RBPJ: variants seen among roughly 807,000 people sequenced by gnomAD.
RBPJ encodes the protein recombining binding protein suppressor of hairless.
Under a neutral mutation model 67.8 loss-of-function variants are expected in RBPJ, and 9 were observed. That is an observed-to-expected ratio of 0.13 (90% CI 0.08 to 0.23). The LOEUF is 0.23. RBPJ is among the 10% of genes least tolerant of loss of function. The probability of loss-of-function intolerance (pLI) is 1.00; values close to 1 mark genes in which losing one functional copy is unlikely to be tolerated. For synonymous variants in RBPJ, 198 were observed against 203.3 expected, an observed-to-expected ratio of 0.97 and a Z score of 0.22; for missense variants, 305 against 595.6, an observed-to-expected ratio of 0.51 and a Z score of 5.08.
the RBPJ span, among the ~76,000 whole-genome samples, chr4:26,105,643 A>G: frequency 6.6e-6 from 1 of 152,186 alleles, no homozygotes; most frequent in Non-Finnish European, 1.5e-5. Flanking sequence ...TCTACTAATG[A>G]CTAGAACCAA....
chr4:26,376,747 A>G (rs1438386100), intron 1 of RBPJ, among the ~76,000 whole-genome samples: 1 of 152,186 alleles, frequency 6.6e-6, no homozygotes, highest in African/African-American at 2.4e-5. Context: ...CTCACTAGCT[A>G]TATATGAAAG....
At chr4:26,282,924 CTTTTT>C (rs67501530) in intron 1 of RBPJ, among the ~76,000 whole-genome samples, 41 of 61,662 alleles carry the variant, frequency 6.6e-4, no homozygotes, top group African/African-American at 3.0e-3. Context: ...AGTGTAGATT[CTTTTT>C]TTTTTTTTTT....
chr4:26,328,976 G>C (rs975323222), intron 1 of RBPJ, among the ~76,000 whole-genome samples: 1 of 152,130 alleles, frequency 6.6e-6, no homozygotes, highest in Non-Finnish European at 1.5e-5. Context: ...CAGAGGACAA[G>C]GGTAAGGTAT....
At chr4:26,163,530 G>A (rs1012854212) in exon 1 of RBPJ, 3 of 152,000 alleles carry the variant, frequency 2.0e-5, no homozygotes, top group Non-Finnish European at 4.4e-5. Flanking sequence ...CTCTTTCTAC[G>A]GCATTTCATG....
At chr4:26,118,856 A>G in the RBPJ span, among the ~76,000 whole-genome samples, 42,143 of 151,980 alleles carry the variant, frequency 0.28, 6,220 homozygotes, top group Non-Finnish European at 0.31. Context: ...TGCACTCTCC[A>G]TCACACACTC....
chr4:26,362,328 G>GT (rs1171280821), intron 1 of RBPJ: 14 of 422,726 alleles, frequency 3.3e-5, no homozygotes, highest in Admixed American at 2.1e-4. Flanking sequence ...AAATGACAGT[G>GT]TTACACAGGG....
intron 1 of RBPJ, among the ~76,000 whole-genome samples, chr4:26,227,690 C>G (rs1403516389): frequency 1.3e-5 from 2 of 152,198 alleles, no homozygotes; most frequent in Non-Finnish European, 2.9e-5. Flanking sequence ...ATATCCACCT[C>G]CTTTGGAGAA....
Position 26,408,433 on chromosome 4 carries a change from AT to A in RBPJ, c.155+2173del, listed in dbSNP as rs565502639. On this transcript the variant is annotated intron_variant, in intron 3 of 10. Transcript: ENST00000355476. ...ACGAAGTTGATATTAGAAATTCAGT[AT>A]TTTTTTTTTCATAAATAAAATTTAG... 3.5e-3 allele frequency among the ~76,000 whole-genome samples: 521 copies of A among 147,940 alleles called. 2 individuals carry two copies. The highest frequency in any genetic ancestry group is 0.011 in the South Asian group (51 of 4,662).
the RBPJ span, among the ~76,000 whole-genome samples, chr4:26,152,722 C>T: frequency 3.3e-5 from 5 of 152,360 alleles, no homozygotes; most frequent in East Asian, 9.6e-4. Context: ...CTCTTAATCA[C>T]TAATCCATAT....
At chr4:26,120,903 T>C in the RBPJ span, among the ~76,000 whole-genome samples, 1 of 130,072 alleles carries the variant, frequency 7.7e-6, no homozygotes, top group Non-Finnish European at 1.7e-5. Flanking sequence ...TAAACCAAGA[T>C]AAATGGACAT....
At chr4:26,317,370 G>A (rs535593389), upstream of RBPJ, among the ~76,000 whole-genome samples, 15 of 152,292 alleles carry the variant, frequency 9.8e-5, no homozygotes, top group South Asian at 2.9e-3. Flanking sequence ...GGAGCTGAAA[G>A]TGTGCTTGGG....
At chr4:26,184,184 A>T (rs1003865296) in intron 1 of RBPJ, among the ~76,000 whole-genome samples, 2 of 139,116 alleles carry the variant, frequency 1.4e-5, no homozygotes, top group African/African-American at 6.0e-5. Flanking sequence ...TTCATCTCAA[A>T]AAAAAAAAAA....
At chr4:26,421,308 T>C (rs1017395011) in intron 5 of RBPJ, among the ~76,000 whole-genome samples, 1 of 151,986 alleles carries the variant, frequency 6.6e-6, no homozygotes, top group African/African-American at 2.4e-5. Flanking sequence ...TGGAGACTTT[T>C]CTTTTTTTTT....
At chr4:26,132,777 G>A in the RBPJ span, among the ~76,000 whole-genome samples, 1 of 152,058 alleles carries the variant, frequency 6.6e-6, no homozygotes, top group South Asian at 2.1e-4. Context: ...TCTTTCTCTG[G>A]GGCCTCTTTT....
chr4:26,401,633 A>G (rs953629726), intron 2 of RBPJ, among the ~76,000 whole-genome samples: 2 of 152,240 alleles, frequency 1.3e-5, no homozygotes, highest in Admixed American at 6.5e-5. Flanking sequence ...TCTTGCCTTT[A>G]AAGACTTTGT....
intron 2 of RBPJ, among the ~76,000 whole-genome samples, chr4:26,388,742 A>G (rs1202540740): frequency 6.6e-6 from 1 of 152,246 alleles, no homozygotes; most frequent in Non-Finnish European, 1.5e-5. Flanking sequence ...AGCAATAGAT[A>G]CTATCTAAAA....
In RBPJ at chr4:26,247,926, C is replaced by A. The variant is rs112625295; in HGVS notation, c.-167+84312C>A. On this transcript the variant is annotated intron_variant, in intron 1 of 4. Coordinates refer to the RBPJ transcript ENST00000512351. ...TTTGGGTGATGGATTCAACAGAAGC[C>A]CGATCCTCAGCATCACACAATATAT... 7.3e-3 allele frequency among the ~76,000 whole-genome samples: 1,116 copies of A among 152,186 alleles called. 13 individuals are homozygous for A. The highest frequency in any genetic ancestry group is 0.025 in the African/African-American group (1,037 of 41,532).
rs144129021 is a variant in RBPJ, at chr4:26,210,449, C to G, written c.-167+46835C>G. ...GGTGCAGAGAGCAGCAGAGGGCAAT[C>G]GCATCAATTTAAAGCCATTCCCATC... On this transcript the variant is annotated intron_variant, in intron 1 of 4. Transcript: ENST00000512351. Among the ~76,000 whole-genome samples, 762 of 152,176 alleles carry G rather than the reference C, an allele frequency of 5.0e-3. 7 individuals are homozygous for G. The highest frequency in any genetic ancestry group is 0.018 in the African/African-American group (735 of 41,506).
In RBPJ at chr4:26,432,508, T is replaced by C. The variant is rs1349893519; in HGVS notation, c.*1501T>C. On this transcript the variant is annotated 3_prime_UTR_variant, in exon 11 of 11. Coordinates refer to ENST00000355476, the MANE Select transcript of RBPJ (RefSeq NM_015874.6). ...TCTTTTCAGTTGAGATTTGGTTGCA[T>C]TCAGGGTTGTAGGTTGGCCTTGCTT... is the stretch of plus-strand genomic sequence containing the variant. 4.6e-5 allele frequency: 7 copies of C among 152,238 alleles called. No homozygotes were observed. The highest frequency in any genetic ancestry group is 8.8e-5 in the Non-Finnish European group (6 of 68,046). The allele number at this position is 152,238 out of a possible 1,614,324, so 9.4% of individuals were successfully genotyped here. A position where few individuals can be genotyped will look rare whatever the true frequency, so the allele number is the denominator to read the frequency against.
Sources: allele counts gnomAD v4.1 joint callset (sites outside exome capture counted in the v4.1 genomes callset), GRCh38; gene constraint gnomAD v4.1.1; transcripts MANE v1.5; gene names NCBI Gene and HGNC (gene_info 2026-07-23, HGNC 2026-07-21).